USP54: variants seen among roughly 807,000 people sequenced by gnomAD.
USP54 encodes the protein ubiquitin specific peptidase 54.
USP54 carries 87 observed loss-of-function variants against 170.5 expected under a neutral mutation model. That is an observed-to-expected ratio of 0.51 (90% CI 0.43 to 0.61). The LOEUF (loss-of-function observed/expected upper bound fraction) is 0.61, where lower values mean the gene tolerates loss of function less well. Among genes scored for constraint, USP54 ranks in the 20% least tolerant of loss-of-function variants. USP54 has a pLI of 0.00. For missense variants in USP54, 1,786 were observed against 2,047.8 expected (o/e 0.87, Z 2.47); for synonymous variants, 655 against 742.8 (o/e 0.88, Z 1.92).
chr10:73,596,108 T>C (rs1233327532), upstream of USP54, among the ~76,000 whole-genome samples: 1 of 142,098 alleles, frequency 7.0e-6, no homozygotes, highest in Non-Finnish European at 1.5e-5. Flanking sequence ...CAAGACTCCA[T>C]CTCAAAAAAA....
At chr10:73,569,902 CAAAAAAAAAAAAAAAAAAAAAAAAAAA>C (rs34676499) in intron 4 of USP54, among the ~76,000 whole-genome samples, 2 of 18,716 alleles carry the variant, frequency 1.1e-4, no homozygotes, top group African/African-American at 2.2e-4. Flanking sequence ...ATTTCATCTC[CAAAAAAAAAAAAAAAAAAAAAAAAAAA>C]AAAAAAAAAA....
chr10:73,534,492 T>C, intron 12 of USP54, 108 bp downstream of exon 12: 1 of 1,337,320 alleles, frequency 7.5e-7, no homozygotes, highest in Non-Finnish European at 1.0e-6. Context: ...CCCAAAGTGC[T>C]GGGATTACAG....
chr10:73,620,308 A>G (rs1323573076), intron 1 of USP54, among the ~76,000 whole-genome samples: 1 of 145,206 alleles, frequency 6.9e-6, no homozygotes, highest in Non-Finnish European at 1.5e-5. Context: ...GCGAGACTCC[A>G]TCTCAAAAAA....
chr10:73,620,967 C>T (rs1404052892), intron 1 of USP54, among the ~76,000 whole-genome samples: 2 of 149,606 alleles, frequency 1.3e-5, no homozygotes, highest in African/African-American at 5.1e-5. Flanking sequence ...ACCACCCTGG[C>T]CAACATGGCG....
At chr10:73,506,544 A>G (rs1292272358) in intron 20 of USP54, 1 of 152,178 alleles carries the variant, frequency 6.6e-6, no homozygotes, top group East Asian at 1.9e-4. Context: ...ATATATATAT[A>G]TATATCTGGC....
At chr10:73,559,229 C>T (rs934208860) in intron 4 of USP54, among the ~76,000 whole-genome samples, 1 of 151,506 alleles carries the variant, frequency 6.6e-6, no homozygotes, top group East Asian at 1.9e-4. Context: ...AAGACCAGCC[C>T]GGCCAACACG....
At chr10:73,601,533 A>T (rs2079167505) in intron 1 of USP54, among the ~76,000 whole-genome samples, 2 of 151,668 alleles carry the variant, frequency 1.3e-5, no homozygotes, top group Non-Finnish European at 2.9e-5. Flanking sequence ...GCTACTCACC[A>T]AGTGCCTGAA....
chr10:73,527,609 G>T (rs1292016553), intron 15 of USP54, among the ~76,000 whole-genome samples: 1 of 151,534 alleles, frequency 6.6e-6, no homozygotes, highest in African/African-American at 2.4e-5. Flanking sequence ...TATGGGCAGG[G>T]TACAATGAGT....
At chr10:73,532,037 A>C (rs1403846455) in intron 12 of USP54, among the ~76,000 whole-genome samples, 1 of 152,248 alleles carries the variant, frequency 6.6e-6, no homozygotes, top group Non-Finnish European at 1.5e-5. Flanking sequence ...ATATTCAAGT[A>C]TCACCAGTGT....
At chr10:73,530,858 G>T (rs542248518) in intron 12 of USP54, 23 bp from the exon 13 acceptor site, 1 of 1,613,104 alleles carries the variant, frequency 6.2e-7, no homozygotes, top group East Asian at 2.2e-5. Context: ...GGAAATTGGG[G>T]TAAGCTGGTA....
chr10:73,597,669 G>A (rs1329155799), intron 1 of USP54, among the ~76,000 whole-genome samples: 1 of 152,150 alleles, frequency 6.6e-6, no homozygotes, highest in East Asian at 1.9e-4. Context: ...GGTCTCCTGT[G>A]CGGCCAGCTC....
At chr10:73,531,962 G>T (rs528083408) in intron 12 of USP54, among the ~76,000 whole-genome samples, 5 of 152,138 alleles carry the variant, frequency 3.3e-5, no homozygotes, top group Admixed American at 6.5e-5. Flanking sequence ...AAAAAACCTA[G>T]GTCAAATGCA....
intron 23 of USP54, among the ~76,000 whole-genome samples, chr10:73,500,431 G>C (rs952617276): frequency 6.6e-6 from 1 of 152,222 alleles, no homozygotes; most frequent in African/African-American, 2.4e-5. Context: ...TAAGTAGACA[G>C]ACTCTAGGGG....
chr10:73,558,719 G>A (rs558066608), intron 4 of USP54, among the ~76,000 whole-genome samples: 4 of 152,114 alleles, frequency 2.6e-5, no homozygotes, highest in Non-Finnish European at 5.9e-5. Context: ...TACAGAATTG[G>A]CAAGTCCTTA....
intron 1 of USP54, among the ~76,000 whole-genome samples, chr10:73,607,830 CAAA>C (rs770614076): frequency 8.4e-5 from 5 of 59,478 alleles, no homozygotes; most frequent in Non-Finnish European, 1.0e-4. Flanking sequence ...GACTCCGTCT[CAAA>C]AAAAAAAAAA....
chr10:73,613,433 C>T (rs1030591596), intron 1 of USP54, among the ~76,000 whole-genome samples: 17 of 150,658 alleles, frequency 1.1e-4, no homozygotes, highest in Admixed American at 8.6e-4. Flanking sequence ...CCACCGCACC[C>T]GGCCTACCAC....
At chr10:73,544,550 T>C (rs2067324117) in intron 5 of USP54, among the ~76,000 whole-genome samples, 1 of 152,200 alleles carries the variant, frequency 6.6e-6, no homozygotes, top group Non-Finnish European at 1.5e-5. Context: ...GTAGTTTACA[T>C]GTCTAGCTTT....
rs2057482759 is a variant in USP54 at position 73,498,966 on chromosome 10, G to A, written c.4718C>T (p.Pro1573Leu). The A allele has an allele frequency of 6.2e-7, 1 of 1,614,130 alleles. No homozygotes were observed. Among genetic ancestry groups the A allele is most frequent in the Non-Finnish European group, 8.5e-7 (1 of 1,180,030 alleles). ...AACCTGAAGGCCCTTGCTTCTTTCT[G>A]GTAGTGTGGCAGTGTAGGTTAGTTG... ...NPQLTYTATL[P>L]ERSKGLQVPH... is the part of the protein sequence containing the mutation. The change falls in exon 24 of 24, where the codon CCA becomes CTA. Residue 1573 changes from proline (P) to leucine (L), a missense_variant. Physicochemically the swap from Pro to Leu is moderately conservative, Grantham distance 98. Transcript: ENST00000687698.
At chr10:73,572,079 TG>T (rs1405271616) in intron 3 of USP54, among the ~76,000 whole-genome samples, 1 of 152,184 alleles carries the variant, frequency 6.6e-6, no homozygotes, top group Non-Finnish European at 1.5e-5. Context: ...CTTGATGCAA[TG>T]TGTTGAGAAT....
Sources: allele counts gnomAD v4.1 joint callset (sites outside exome capture counted in the v4.1 genomes callset), GRCh38; gene constraint gnomAD v4.1.1; transcripts MANE v1.5; gene names NCBI Gene and HGNC (gene_info 2026-07-23, HGNC 2026-07-21).